The following NCOR1 variants were observed in gnomAD, a reference collection of about 807,000 sequenced individuals.
The protein encoded by NCOR1 is nuclear receptor corepressor 1.
A neutral mutation model predicts 288.1 loss-of-function variants in NCOR1; 63 were observed. The ratio of observed to expected loss-of-function variants is 0.22; its 90% confidence interval spans 0.18 to 0.27. NCOR1 has a LOEUF of 0.27. Among genes scored for constraint, NCOR1 ranks in the 10% least tolerant of loss-of-function variants. The probability of loss-of-function intolerance (pLI) is 1.00; values close to 1 mark genes in which losing one functional copy is unlikely to be tolerated. For synonymous variants in NCOR1, 1,007 were observed against 1,065.9 expected (o/e 0.94, Z 1.08); for missense variants, 2,397 against 3,019.2 (o/e 0.79, Z 4.83).
At position 16,039,615 on chromosome 17, in the gene NCOR1, G is replaced by A; in HGVS notation, c.6773C>T (p.Ala2258Val). ...SSRGHSFADP[A>V]SNLGLEDIIR... ...AATGTCTTCCAGCCCAAGATTACTG[G>A]CAGGATCAGCAAAAGAATGGCCTCT... Residue 2258 changes from alanine to valine, a missense_variant, in exon 44 of 46, where the codon GCC becomes GTC. By Grantham distance (64) the Ala-to-Val change is moderately conservative. This residue lies in a region of NCOR1 where 1,872 missense variants were observed against 2,187.8 expected (regional missense o/e 0.86). Transcript: ENST00000268712. 1.2e-6 allele frequency: 2 copies of A among 1,614,022 alleles called. No individual in the cohort carries two copies. Among genetic ancestry groups the A allele is most frequent in the Non-Finnish European group, 1.7e-6 (2 of 1,179,974 alleles).
intron 1 of NCOR1, among the ~76,000 whole-genome samples, chr17:16,209,488 A>G (rs969063868): frequency 6.6e-6 from 1 of 151,668 alleles, no homozygotes; most frequent in Admixed American, 6.6e-5. Flanking sequence ...TTGGGAGGCC[A>G]TGGTGGGAGG....
chr17:16,118,650 A>G (rs565086484), intron 17 of NCOR1, among the ~76,000 whole-genome samples: 44 of 152,350 alleles, frequency 2.9e-4, no homozygotes, highest in South Asian at 1.2e-3. Flanking sequence ...GTATACATAT[A>G]TAAGGGGTGA....
chr17:16,151,518 G>T, intron 8 of NCOR1: 2 of 1,078,888 alleles, frequency 1.9e-6, no homozygotes, highest in Non-Finnish European at 2.5e-6. Flanking sequence ...CTTCTACTTT[G>T]CAATGGCAGA....
At chr17:16,160,777 G>A (rs916074634) in intron 5 of NCOR1, among the ~76,000 whole-genome samples, 10 of 152,050 alleles carry the variant, frequency 6.6e-5, no homozygotes, top group African/African-American at 1.4e-4. Context: ...GGGCGACAGG[G>A]GGAGACTCCA....
At chr17:16,073,385 A>G in intron 28 of NCOR1, 44 bp downstream of exon 28, 1 of 1,499,940 alleles carries the variant, frequency 6.7e-7, no homozygotes, top group South Asian at 1.4e-5. Context: ...ATTACTATAT[A>G]AAATAACATG....
At chr17:16,108,994 T>A in intron 18 of NCOR1, 82 bp from the exon 19 acceptor site, 1 of 1,138,348 alleles carries the variant, frequency 8.8e-7, no homozygotes, top group South Asian at 1.8e-5. Context: ...AGAACATTGA[T>A]AAGCACACAC....
At chr17:16,085,072 A>G (rs2064009287) in intron 23 of NCOR1, among the ~76,000 whole-genome samples, 1 of 152,160 alleles carries the variant, frequency 6.6e-6, no homozygotes, top group African/African-American at 2.4e-5. Flanking sequence ...CAACCATAAT[A>G]AAGATCTACA....
intron 1 of NCOR1, among the ~76,000 whole-genome samples, chr17:16,210,126 G>A (rs962025751): frequency 3.3e-5 from 5 of 152,142 alleles, no homozygotes; most frequent in Admixed American, 6.6e-5. Context: ...GCTCACGCCT[G>A]TAATCCCAGC....
intron 13 of NCOR1, chr17:16,137,845 T>C (rs959632173): frequency 1.1e-5 from 3 of 279,312 alleles, no homozygotes; most frequent in African/African-American, 6.6e-5. Context: ...GTTCCAATTT[T>C]AGTATTATGT....
chr17:16,126,398 C>T (rs1054061583), intron 14 of NCOR1, among the ~76,000 whole-genome samples, 192 bp from the exon 15 acceptor site: 6 of 152,052 alleles, frequency 3.9e-5, no homozygotes, highest in African/African-American at 1.2e-4. Context: ...AAGGGTCCTA[C>T]ACGCAGACAC....
chr17:16,177,198 C>T (rs537894073), intron 3 of NCOR1, among the ~76,000 whole-genome samples: 9 of 152,002 alleles, frequency 5.9e-5, no homozygotes, highest in Non-Finnish European at 7.3e-5. Flanking sequence ...AATGTCTGAA[C>T]TACATTTAGC....
chr17:16,198,953 G>A lies in NCOR1; in HGVS notation c.-70-4314C>T, dbSNP rs181992723. ...ATTTTTTTCTAACAGTGGCCTAAATGATTAGAAACCCATGAGGTACAATTT... is the reference window on the plus strand; with the variant it reads ...ATTTTTTTCTAACAGTGGCCTAAATAATTAGAAACCCATGAGGTACAATTT... On this transcript the variant is annotated intron_variant, in intron 1 of 45. Coordinates refer to ENST00000268712, the MANE Select transcript of NCOR1 (RefSeq NM_006311.4). Among the ~76,000 whole-genome samples the A allele has an allele frequency of 4.1e-3, 624 of 151,960 alleles. 7 individuals are homozygous for A. The highest frequency in any genetic ancestry group is 0.015 in the African/African-American group (602 of 41,456).
At chr17:16,095,047 C>T (rs1397075206) in intron 21 of NCOR1, among the ~76,000 whole-genome samples, 1 of 149,188 alleles carries the variant, frequency 6.7e-6, no homozygotes, top group African/African-American at 2.5e-5. Context: ...TGTGAGGAGC[C>T]CCTCTGCCTG....
At position 16,101,329 on chromosome 17, in the gene NCOR1, G is replaced by A; in HGVS notation, c.2611C>T (p.Pro871Ser). 1 of 1,614,104 alleles carries A rather than the reference G, an allele frequency of 6.2e-7. No homozygotes were observed. Among genetic ancestry groups the A allele is most frequent in the Non-Finnish European group, 8.5e-7 (1 of 1,180,006 alleles). Reference sequence around the variant, plus strand: ...GAATCATTGTCTGACTGGGGCTCGGGCCTTTGGGCATTTATTTGCTGAGCT... The same window carrying A: ...GAATCATTGTCTGACTGGGGCTCGGACCTTTGGGCATTTATTTGCTGAGCT... Reference protein sequence around the residue: ...VVAQQINAQRPEPQSDNDSSA... With the variant: ...VVAQQINAQRSEPQSDNDSSA... The change falls in exon 20 of 46, where the codon CCC becomes TCC. Residue 871 changes from proline (P) to serine (S), a missense_variant. Pro to Ser is a moderately conservative substitution (Grantham distance 74). Around this residue, in one of 11 missense-constraint regions of NCOR1, gnomAD observed 1,872 missense variants for 2,187.8 expected, o/e 0.86. Coordinates refer to ENST00000268712, the MANE Select transcript of NCOR1 (RefSeq NM_006311.4).
At chr17:16,158,932 TA>T in intron 5 of NCOR1, 59 bp from the exon 6 acceptor site, 1 of 1,196,746 alleles carries the variant, frequency 8.4e-7, no homozygotes, top group African/African-American at 1.5e-5. Context: ...CAGCAGTGAT[TA>T]ACCACTGGAG....
chr17:16,187,913 A>C (rs371602469), intron 2 of NCOR1, among the ~76,000 whole-genome samples: 1 of 151,704 alleles, frequency 6.6e-6, no homozygotes, highest in African/African-American at 2.4e-5. Context: ...AAAAAAAAAA[A>C]AAAGAAAGAA....
In NCOR1 at chr17:16,032,834, A is replaced by G. The variant is rs529042599; in HGVS notation, c.7136-351T>C. On this transcript the variant is annotated intron_variant, in intron 45 of 45. Coordinates refer to ENST00000268712, the MANE Select transcript of NCOR1 (RefSeq NM_006311.4). Reference sequence around the variant, plus strand: ...ATAGCAAGAGCTTTCTTAACTCTTCAAGAGAAATGCAAGAGTATAGTTCTC... The same window carrying G: ...ATAGCAAGAGCTTTCTTAACTCTTCGAGAGAAATGCAAGAGTATAGTTCTC... Among the ~76,000 whole-genome samples the G allele has an allele frequency of 1.3e-3, 199 of 152,354 alleles. 1 individual carries two copies. Among genetic ancestry groups the G allele is most frequent in the African/African-American group, 4.5e-3 (189 of 41,580 alleles).
intron 5 of NCOR1, chr17:16,164,735 A>G (rs1191506145): frequency 1.5e-5 from 3 of 202,944 alleles, no homozygotes; most frequent in African/African-American, 2.4e-5. Context: ...TATGGAATAG[A>G]AAAAAAAAAA....
intron 19 of NCOR1, 165 bp from the exon 20 acceptor site, chr17:16,101,922 G>A: frequency 2.3e-6 from 2 of 867,788 alleles, no homozygotes; most frequent in Non-Finnish European, 3.5e-6. Flanking sequence ...TGACCTCATT[G>A]AAGTATTTAC....
Sources: allele counts gnomAD v4.1 joint callset (sites outside exome capture counted in the v4.1 genomes callset), GRCh38; gene constraint gnomAD v4.1.1; regional missense constraint gnomAD v4.1.1; transcripts MANE v1.5; gene names NCBI Gene and HGNC (gene_info 2026-07-23, HGNC 2026-07-21).